The following INPP4B variants were observed in gnomAD, a reference collection of about 807,000 sequenced individuals.
The protein encoded by INPP4B is inositol polyphosphate-4-phosphatase type II B, also known as inositol polyphosphate 4-phosphatase type II.
Under a neutral mutation model 122.5 loss-of-function variants are expected in INPP4B, and 55 were observed. The observed-to-expected ratio is 0.45, with a 90% CI of 0.36 to 0.56. INPP4B has a LOEUF of 0.56. Ranked by LOEUF, INPP4B falls within the 20% of genes least tolerant of loss-of-function variation. The probability of loss-of-function intolerance (pLI) is 0.00; values close to 1 mark genes in which losing one functional copy is unlikely to be tolerated. For missense variants in INPP4B, 1,000 were observed against 1,097.7 expected, an observed-to-expected ratio of 0.91 and a Z score of 1.26; for synonymous variants, 403 against 388.7, an observed-to-expected ratio of 1.04 and a Z score of -0.43.
chr4:142,334,343 T>A (rs1278318214), intron 7 of INPP4B, among the ~76,000 whole-genome samples: 1 of 152,206 alleles, frequency 6.6e-6, no homozygotes, highest in Non-Finnish European at 1.5e-5. Context: ...TATTAATTCA[T>A]CCATCAGAGG....
At chr4:142,666,462 A>C (rs1388383959) in intron 2 of INPP4B, among the ~76,000 whole-genome samples, 2 of 152,144 alleles carry the variant, frequency 1.3e-5, no homozygotes, top group African/African-American at 4.8e-5. Flanking sequence ...GTGAGTTAAC[A>C]AATATTTATT....
At chr4:142,076,036 G>C (rs992067849) in intron 25 of INPP4B, among the ~76,000 whole-genome samples, 1 of 152,052 alleles carries the variant, frequency 6.6e-6, no homozygotes, top group African/African-American at 2.4e-5. Flanking sequence ...GTTGAAAGAA[G>C]TGGTTGACTT....
intron 2 of INPP4B, among the ~76,000 whole-genome samples, chr4:142,563,966 C>G (rs1170551744): frequency 2.0e-5 from 3 of 152,236 alleles, no homozygotes; most frequent in African/African-American, 7.2e-5. Context: ...GAAGAACTAC[C>G]CAGCTGATCC....
Position 142,242,502 on chromosome 4 carries a change from T to A in INPP4B, c.689-4491A>T, listed in dbSNP as rs2150038667. On this transcript the variant is annotated intron_variant, in intron 11 of 25. Transcript: ENST00000262992. Reference sequence around the variant, plus strand: ...GGTTAGAAAAAGGATTGGCCTTAGTTCTGTTCATTCTGTTTCAGTGAGTGA... The same window carrying A: ...GGTTAGAAAAAGGATTGGCCTTAGTACTGTTCATTCTGTTTCAGTGAGTGA... Among the ~76,000 whole-genome samples, 3 of 152,334 alleles carry A rather than the reference T, an allele frequency of 2.0e-5. No individual in the cohort carries two copies. The South Asian group carries it at 6.2e-4, about 32-fold the overall frequency.
At chr4:142,603,903 AAC>A (rs3078719) in intron 2 of INPP4B, among the ~76,000 whole-genome samples, 104,854 of 148,946 alleles carry the variant, frequency 0.7, 37,445 homozygotes, top group East Asian at 0.81. Context: ...ACCAGACAAG[AAC>A]ACACACACAC....
chr4:142,804,895 G>A (rs1778487456), intron 1 of INPP4B, among the ~76,000 whole-genome samples: 1 of 152,242 alleles, frequency 6.6e-6, no homozygotes, highest in Admixed American at 6.5e-5. Context: ...TCGAACTCCT[G>A]GGCTCAAGCG....
chr4:142,236,713 T>C (rs1404030947), intron 12 of INPP4B, among the ~76,000 whole-genome samples: 2 of 152,184 alleles, frequency 1.3e-5, no homozygotes, highest in Non-Finnish European at 2.9e-5. Context: ...CTAACCAATT[T>C]TGTTAATAGT....
At chr4:142,185,220 G>A (rs1832615788) in intron 15 of INPP4B, among the ~76,000 whole-genome samples, 1 of 152,146 alleles carries the variant, frequency 6.6e-6, no homozygotes, top group South Asian at 2.1e-4. Flanking sequence ...ACATTGAACA[G>A]TGGGGTGGAT....
At chr4:142,708,734 C>T (rs936400853) in intron 2 of INPP4B, among the ~76,000 whole-genome samples, 2 of 152,104 alleles carry the variant, frequency 1.3e-5, no homozygotes, top group Non-Finnish European at 2.9e-5. Context: ...TGGGGTGGAC[C>T]CCTCATGGAG....
intron 12 of INPP4B, among the ~76,000 whole-genome samples, chr4:142,217,971 C>T (rs1847998199): frequency 6.6e-6 from 1 of 152,122 alleles, no homozygotes; most frequent in Admixed American, 6.5e-5. Context: ...AGCTAGCCTA[C>T]TCACCCTGCA....
chr4:142,164,192 G>A (rs1310751535), intron 16 of INPP4B, among the ~76,000 whole-genome samples: 1 of 151,846 alleles, frequency 6.6e-6, no homozygotes, highest in Non-Finnish European at 1.5e-5. Flanking sequence ...TCCTGGGGAT[G>A]AATGAAGAGA....
intron 6 of INPP4B, among the ~76,000 whole-genome samples, chr4:142,404,799 ACTTT>A (rs957014918): frequency 2.0e-5 from 3 of 152,228 alleles, no homozygotes; most frequent in East Asian, 3.9e-4. Context: ...GTACTGTACA[ACTTT>A]CTTTTTTTTC....
intron 2 of INPP4B, among the ~76,000 whole-genome samples, chr4:142,495,254 C>T (rs1822391532): frequency 7.0e-6 from 1 of 142,960 alleles, no homozygotes; most frequent in South Asian, 2.6e-4. Context: ...ATAAATAGGA[C>T]AATATTTCTG....
At chr4:142,551,103 C>T (rs1486622602) in intron 2 of INPP4B, among the ~76,000 whole-genome samples, 2 of 152,150 alleles carry the variant, frequency 1.3e-5, no homozygotes, top group African/African-American at 2.4e-5. Flanking sequence ...GAAGAAGCAA[C>T]CATTTGTGGT....
chr4:142,083,754 T>C (rs1448111099), intron 24 of INPP4B, among the ~76,000 whole-genome samples: 1 of 152,138 alleles, frequency 6.6e-6, no homozygotes. Context: ...CCATACAATC[T>C]TTTTACATCT....
intron 12 of INPP4B, among the ~76,000 whole-genome samples, chr4:142,219,830 T>G (rs1369128819): frequency 1.3e-5 from 2 of 152,188 alleles, no homozygotes; most frequent in African/African-American, 4.8e-5. Flanking sequence ...GTTTGGTTAG[T>G]GGACACCATA....
intron 1 of INPP4B, among the ~76,000 whole-genome samples, chr4:142,743,273 G>A (rs184877828): frequency 7.9e-5 from 12 of 152,090 alleles, no homozygotes; most frequent in Admixed American, 1.3e-4. Flanking sequence ...AGCAAAGCAA[G>A]TTGGAATCCA....
At position 142,491,978 on chromosome 4, in the gene INPP4B, A is replaced by C. The variant is rs572301251; in HGVS notation, c.-190-29252T>G. Among the ~76,000 whole-genome samples the C allele has an allele frequency of 2.3e-3, 344 of 152,290 alleles. 1 individual carries two copies. The highest frequency in any genetic ancestry group is 8.0e-3 in the African/African-American group (333 of 41,568). ...CCACCCAAATCTCATCTTGAATTGT[A>C]GTTCCCATAATCCCCATGTGTCTTG... On this transcript the variant is annotated intron_variant, in intron 2 of 25. Transcript: ENST00000262992.
At chr4:142,608,255 T>C (rs1374388869) in intron 2 of INPP4B, among the ~76,000 whole-genome samples, 1 of 152,186 alleles carries the variant, frequency 6.6e-6, no homozygotes, top group African/African-American at 2.4e-5. Flanking sequence ...ACTTCTTTCC[T>C]TTATTGACTC....
Sources: allele counts gnomAD v4.1 joint callset (sites outside exome capture counted in the v4.1 genomes callset), GRCh38; gene constraint gnomAD v4.1.1; transcripts MANE v1.5; gene names NCBI Gene and HGNC (gene_info 2026-07-23, HGNC 2026-07-21).